PPP2R2B: variants seen among roughly 807,000 people sequenced by gnomAD.
PPP2R2B encodes serine/threonine-protein phosphatase 2A 55 kDa regulatory subunit B beta isoform.
Under a neutral mutation model 46.0 loss-of-function variants are expected in PPP2R2B, and 5 were observed. That is an observed-to-expected ratio of 0.11 (90% confidence interval 0.06 to 0.23). PPP2R2B has a LOEUF of 0.23. PPP2R2B is among the 10% of genes least tolerant of loss of function. The pLI, the probability that PPP2R2B is intolerant of heterozygous loss-of-function variation, is 1.00. For synonymous variants in PPP2R2B, 215 were observed against 206.7 expected, an observed-to-expected ratio of 1.04 and a Z score of -0.34; for missense variants, 367 against 575.0, an observed-to-expected ratio of 0.64 and a Z score of 3.70.
chr5:146,667,332 G>GCGCACA (rs1239646840), intron 5 of PPP2R2B, among the ~76,000 whole-genome samples: 595 of 32,000 alleles, frequency 0.019, 9 homozygotes, highest in African/African-American at 0.053. Context: ...GCGTGCGCGC[G>GCGCACA]CACACACACA....
At chr5:146,765,805 A>T (rs1040110026) in intron 2 of PPP2R2B, among the ~76,000 whole-genome samples, 2 of 152,190 alleles carry the variant, frequency 1.3e-5, no homozygotes, top group Non-Finnish European at 2.9e-5. Context: ...AGACAAAGAA[A>T]CCCATTAGTT....
intron 6 of PPP2R2B, among the ~76,000 whole-genome samples, chr5:146,639,277 G>C (rs1775037430): frequency 6.6e-6 from 1 of 151,826 alleles, no homozygotes; most frequent in Non-Finnish European, 1.5e-5. Context: ...AAGCCATCCA[G>C]TTGGAAAGTT....
chr5:146,602,840 C>T (rs115000703), intron 7 of PPP2R2B, among the ~76,000 whole-genome samples: 2,402 of 152,268 alleles, frequency 0.016, 71 homozygotes, highest in African/African-American at 0.055. Flanking sequence ...TTTTGGGCTT[C>T]GGCTGAGTAT....
chr5:146,983,733 CA>C (rs1753296598), intron 1 of PPP2R2B, among the ~76,000 whole-genome samples: 1 of 152,002 alleles, frequency 6.6e-6, no homozygotes, highest in Admixed American at 6.5e-5. Context: ...TTAGAGAACA[CA>C]ACAGAAAAAA....
intron 2 of PPP2R2B, among the ~76,000 whole-genome samples, chr5:146,848,147 T>A (rs946156721): frequency 1.3e-5 from 2 of 152,204 alleles, no homozygotes; most frequent in African/African-American, 2.4e-5. Flanking sequence ...TAGTTTTTTT[T>A]ATCTTATTAA....
intron 2 of PPP2R2B, among the ~76,000 whole-genome samples, chr5:146,799,288 A>G (rs1756721577): frequency 6.6e-6 from 1 of 152,246 alleles, no homozygotes; most frequent in East Asian, 1.9e-4. Flanking sequence ...ACAGAAAGAC[A>G]GAAAGAGAAT....
chr5:146,669,785 A>C (rs1450435284), intron 5 of PPP2R2B, among the ~76,000 whole-genome samples: 4 of 152,182 alleles, frequency 2.6e-5, no homozygotes, highest in African/African-American at 7.2e-5. Context: ...AGGTTAAATG[A>C]CATAATAAGT....
At chr5:146,874,011 T>C (rs746056324) in intron 2 of PPP2R2B, among the ~76,000 whole-genome samples, 6 of 152,236 alleles carry the variant, frequency 3.9e-5, no homozygotes, top group Non-Finnish European at 8.8e-5. Flanking sequence ...CCTAAAATGC[T>C]TTCAGGTCTT....
At chr5:146,812,815 A>ATGTG (rs1418545306) in intron 2 of PPP2R2B, among the ~76,000 whole-genome samples, 1 of 35,632 alleles carries the variant, frequency 2.8e-5, no homozygotes, top group African/African-American at 8.4e-5. Flanking sequence ...ATATATATAT[A>ATGTG]TATATATATA....
At chr5:146,639,081 T>G (rs1276929578) in intron 6 of PPP2R2B, among the ~76,000 whole-genome samples, 1 of 152,244 alleles carries the variant, frequency 6.6e-6, no homozygotes, top group Non-Finnish European at 1.5e-5. Flanking sequence ...ATGCTCCATG[T>G]GCATAAAGAA....
At chr5:147,025,165 T>C (rs1168408123) in intron 1 of PPP2R2B, among the ~76,000 whole-genome samples, 1 of 152,092 alleles carries the variant, frequency 6.6e-6, no homozygotes, top group African/African-American at 2.4e-5. Context: ...TTTATGCTAA[T>C]GAATTTTCCA....
intron 1 of PPP2R2B, among the ~76,000 whole-genome samples, chr5:147,021,016 A>G (rs781562701): frequency 1.3e-5 from 2 of 152,204 alleles, no homozygotes; most frequent in Non-Finnish European, 2.9e-5. Context: ...TTGGTAGTGT[A>G]TGTTAACAGA....
chr5:146,881,022 G>A (rs1762149956), upstream of PPP2R2B, among the ~76,000 whole-genome samples: 1 of 151,990 alleles, frequency 6.6e-6, no homozygotes, highest in Admixed American at 6.5e-5. Context: ...GGAGGTAAGG[G>A]AGTGAAAAGA....
chr5:146,843,950 C>T (rs544553611), intron 2 of PPP2R2B, among the ~76,000 whole-genome samples: 1 of 151,720 alleles, frequency 6.6e-6, no homozygotes, highest in Non-Finnish European at 1.5e-5. Context: ...ATTTATAGTC[C>T]TTTGTGTATA....
intron 1 of PPP2R2B, among the ~76,000 whole-genome samples, chr5:147,026,392 T>C (rs1755528816): frequency 6.6e-6 from 1 of 152,074 alleles, no homozygotes. Context: ...AGTTTATATA[T>C]ATAAAATTCT....
chr5:146,633,109 A>C (rs1581757563), intron 7 of PPP2R2B, among the ~76,000 whole-genome samples: 1 of 152,322 alleles, frequency 6.6e-6, no homozygotes, highest in Non-Finnish European at 1.5e-5. Flanking sequence ...TAAACTGCAA[A>C]CAAAGCCCTG....
At chr5:147,077,316 ACC>A (rs1561616487) in intron 2 of PPP2R2B, among the ~76,000 whole-genome samples, 1 of 144,358 alleles carries the variant, frequency 6.9e-6, no homozygotes, top group Non-Finnish European at 1.5e-5. Context: ...ACACACCCAC[ACC>A]CACACCCCTA....
At chr5:146,866,743 A>G (rs898167972) in intron 2 of PPP2R2B, among the ~76,000 whole-genome samples, 5 of 152,190 alleles carry the variant, frequency 3.3e-5, no homozygotes, top group Admixed American at 2.0e-4. Flanking sequence ...TACATCCAGA[A>G]TACTTAACCT....
intron 6 of PPP2R2B, among the ~76,000 whole-genome samples, chr5:146,641,385 C>A (rs756949745): frequency 6.6e-6 from 1 of 152,126 alleles, no homozygotes; most frequent in Admixed American, 6.5e-5. Flanking sequence ...TTGAAAAGAC[C>A]CCCAGCTAAT....
Sources: allele counts gnomAD v4.1 joint callset (sites outside exome capture counted in the v4.1 genomes callset), GRCh38; gene constraint gnomAD v4.1.1; transcripts MANE v1.5; gene names NCBI Gene and HGNC (gene_info 2026-07-23, HGNC 2026-07-21).